The following HDAC9 variants were observed in gnomAD, a reference collection of about 807,000 sequenced individuals.
The protein encoded by HDAC9 is histone deacetylase 9.
HDAC9 carries 41 observed loss-of-function variants against 139.4 expected under a neutral mutation model. The observed-to-expected ratio is 0.29, with a 90% confidence interval of 0.23 to 0.38. HDAC9 has a LOEUF of 0.38. HDAC9 is among the 10% of genes least tolerant of loss of function. The probability of loss-of-function intolerance (pLI) is 1.00; values close to 1 mark genes in which losing one functional copy is unlikely to be tolerated. For synonymous variants in HDAC9, 517 were observed against 476.2 expected (o/e 1.09, Z -1.12); for missense variants, 1,147 against 1,297.0 (o/e 0.88, Z 1.78).
At chr7:18,361,535 C>A (rs1783778404) in intron 1 of HDAC9, among the ~76,000 whole-genome samples, 1 of 152,124 alleles carries the variant, frequency 6.6e-6, no homozygotes. Context: ...CATTCTTATT[C>A]TGTATATTTG....
At chr7:18,709,335 T>A (rs892013148) in intron 12 of HDAC9, among the ~76,000 whole-genome samples, 11 of 152,180 alleles carry the variant, frequency 7.2e-5, no homozygotes, top group Non-Finnish European at 1.3e-4. Flanking sequence ...CTGAGGAGGA[T>A]GGCTTCTAGC....
At chr7:18,161,666 C>T (rs922165654) in intron 1 of HDAC9, among the ~76,000 whole-genome samples, 1 of 152,130 alleles carries the variant, frequency 6.6e-6, no homozygotes, top group African/African-American at 2.4e-5. Context: ...GCTATGGTTG[C>T]TATTACTTTG....
chr7:18,334,688 G>T (rs1247089234), intron 1 of HDAC9, among the ~76,000 whole-genome samples: 3 of 151,528 alleles, frequency 2.0e-5, no homozygotes, highest in Admixed American at 6.6e-5. Context: ...ACAGGAAAAA[G>T]AATAGGAACA....
intron 17 of HDAC9, among the ~76,000 whole-genome samples, chr7:18,801,455 T>TTA (rs1793280117): frequency 6.6e-6 from 1 of 152,096 alleles, no homozygotes; most frequent in South Asian, 2.1e-4. Flanking sequence ...TGGTTATGAT[T>TTA]TATTATCATT....
At chr7:18,094,359 T>A (rs2128062081) in intron 1 of HDAC9, among the ~76,000 whole-genome samples, 1 of 152,314 alleles carries the variant, frequency 6.6e-6, no homozygotes, top group African/African-American at 2.4e-5. Context: ...TTAGGCCAGA[T>A]TTGACTTTAA....
chr7:18,425,714 A>C (rs773839430), intron 1 of HDAC9, among the ~76,000 whole-genome samples: 1 of 152,218 alleles, frequency 6.6e-6, no homozygotes, highest in African/African-American at 2.4e-5. Context: ...TGTACATTAC[A>C]TTTATAGAAA....
Position 18,521,768 on chromosome 7 carries a change from G to C in HDAC9, c.22+25444G>C, listed in dbSNP as rs114007921. Among the ~76,000 whole-genome samples the C allele has an allele frequency of 6.3e-3, 955 of 152,022 alleles. 10 individuals carry two copies. The highest frequency in any genetic ancestry group is 0.022 in the African/African-American group (925 of 41,444). On this transcript the variant is annotated intron_variant, in intron 2 of 25. Coordinates refer to ENST00000686413, the MANE Select transcript of HDAC9 (RefSeq NM_178425.4). ...TAAATTTGAAGTGAACCTATATTCA[G>C]ATTTACATTTTACTTAGTATTGTTT...
At chr7:18,691,545 G>T (rs1782674431) in intron 12 of HDAC9, among the ~76,000 whole-genome samples, 1 of 151,942 alleles carries the variant, frequency 6.6e-6, no homozygotes, top group Non-Finnish European at 1.5e-5. Flanking sequence ...GTAATATTTG[G>T]CTTGTAGGTA....
At chr7:18,790,580 T>G (rs1443789792) in intron 16 of HDAC9, among the ~76,000 whole-genome samples, 3 of 152,212 alleles carry the variant, frequency 2.0e-5, no homozygotes, top group African/African-American at 7.2e-5. Context: ...GCAACCTGAA[T>G]GGACAAAGAC....
intron 17 of HDAC9, among the ~76,000 whole-genome samples, chr7:18,820,770 G>A (rs905502425): frequency 1.3e-5 from 2 of 152,088 alleles, no homozygotes; most frequent in Admixed American, 6.5e-5. Flanking sequence ...TGGGGAGGAG[G>A]ACATTAATCG....
chr7:18,356,316 T>C (rs1056429522), intron 1 of HDAC9, among the ~76,000 whole-genome samples: 1 of 144,098 alleles, frequency 6.9e-6, no homozygotes, highest in Non-Finnish European at 1.5e-5. Context: ...TTTTAATAGG[T>C]GGCGCCATTA....
At chr7:18,913,405 G>A (rs1802908041) in intron 22 of HDAC9, among the ~76,000 whole-genome samples, 5 of 152,046 alleles carry the variant, frequency 3.3e-5, no homozygotes, top group Admixed American at 2.6e-4. Flanking sequence ...AATACTTAAG[G>A]AATCAGGCTA....
intron 2 of HDAC9, among the ~76,000 whole-genome samples, chr7:18,264,009 A>G (rs1368357379): frequency 6.6e-6 from 1 of 152,242 alleles, no homozygotes; most frequent in African/African-American, 2.4e-5. Context: ...CATGAAGAAG[A>G]CATAGGAATT....
At chr7:18,819,908 C>G (rs1794836100) in intron 17 of HDAC9, among the ~76,000 whole-genome samples, 1 of 152,086 alleles carries the variant, frequency 6.6e-6, no homozygotes, top group Non-Finnish European at 1.5e-5. Flanking sequence ...AGATTAACTG[C>G]TTGGTCTTTG....
chr7:18,968,915 C>T (rs1371132529), intron 24 of HDAC9, among the ~76,000 whole-genome samples: 1 of 138,716 alleles, frequency 7.2e-6, no homozygotes, highest in African/African-American at 2.7e-5. Context: ...GCCGAGATCT[C>T]GCCATTGCAC....
intron 1 of HDAC9, among the ~76,000 whole-genome samples, chr7:18,306,199 G>A (rs1699623830): frequency 6.6e-6 from 1 of 152,166 alleles, no homozygotes; most frequent in African/African-American, 2.4e-5. Context: ...GTGAGGAGCT[G>A]GGGTATTTCA....
At chr7:18,733,183 C>A (rs964127305) in intron 13 of HDAC9, among the ~76,000 whole-genome samples, 2 of 141,778 alleles carry the variant, frequency 1.4e-5, no homozygotes, top group African/African-American at 2.7e-5. Flanking sequence ...ATATATGTGT[C>A]TATACATATA....
At chr7:18,369,841 A>G (rs28429469) in intron 1 of HDAC9, among the ~76,000 whole-genome samples, 4,197 of 152,146 alleles carry the variant, frequency 0.028, 199 homozygotes, top group African/African-American at 0.095. Flanking sequence ...GATTGTTTGC[A>G]TCCGTGTAAC....
At chr7:18,263,103 G>A (rs1795783245) in intron 2 of HDAC9, among the ~76,000 whole-genome samples, 2 of 152,060 alleles carry the variant, frequency 1.3e-5, no homozygotes, top group African/African-American at 4.8e-5. Flanking sequence ...TATTCTCTAT[G>A]TAAGAGACAC....
Sources: allele counts gnomAD v4.1 joint callset (sites outside exome capture counted in the v4.1 genomes callset), GRCh38; gene constraint gnomAD v4.1.1; transcripts MANE v1.5; gene names NCBI Gene and HGNC (gene_info 2026-07-23, HGNC 2026-07-21).